Variants in ISM2 observed in about 807,000 individuals in gnomAD.
ISM2 encodes isthmin 2, also known as isthmin-2.
In ISM2, 50 loss-of-function variants were observed where a neutral mutation model predicts 58.0. The observed-to-expected ratio is 0.86, with a 90% CI of 0.69 to 1.09. The LOEUF is 1.09. ISM2 is among the 50% of genes least tolerant of loss of function. ISM2 has a pLI of 0.00. For missense variants in ISM2, 723 were observed against 745.0 expected (o/e 0.97, Z 0.34); for synonymous variants, 303 against 312.4 (o/e 0.97, Z 0.32).
intron 1 of ISM2, among the ~76,000 whole-genome samples, chr14:77,490,294 G>C (rs1311981103): frequency 6.6e-6 from 1 of 152,218 alleles, no homozygotes; most frequent in East Asian, 1.9e-4. Flanking sequence ...ACTGCACCCG[G>C]CCAAGAAGCC....
intron 4 of ISM2, among the ~76,000 whole-genome samples, chr14:77,479,550 A>C (rs10431726): frequency 0.41 from 62,897 of 151,842 alleles, 15,642 homozygotes; most frequent in East Asian, 0.92. Flanking sequence ...CACCCAGCTA[A>C]TTTTTGTATT....
chr14:77,498,404 C>T (rs2079261537), intron 1 of ISM2: 6 of 1,275,864 alleles, frequency 4.7e-6, no homozygotes, highest in South Asian at 4.1e-5. Flanking sequence ...GCACAGAAGT[C>T]AAACTTGTCA....
Position 77,482,671 on chromosome 14 carries a change from C to G in ISM2, c.628-4G>C. The G allele has an allele frequency of 1.3e-6, 2 of 1,526,378 alleles. No homozygotes were observed. Among genetic ancestry groups the G allele is most frequent in the South Asian group, 2.6e-5 (2 of 77,520 alleles). The allele number at this position is 1,526,378 out of a possible 1,614,324, so 94.6% of individuals were successfully genotyped here. ...CCTCCACCACCTTGATGGTCACCTG[C>G]AGGAGACAGGCCAGGCCGGCCAGTG... On this transcript the variant is annotated splice_polypyrimidine_tract_variant and splice_region_variant and intron_variant, in intron 3 of 6. Coordinates refer to ENST00000342219, the MANE Select transcript of ISM2 (RefSeq NM_199296.3).
chr14:77,497,179 C>T (rs1274961790), intron 1 of ISM2, among the ~76,000 whole-genome samples: 2 of 151,646 alleles, frequency 1.3e-5, no homozygotes, highest in African/African-American at 4.8e-5. Context: ...ACCGGCCTGG[C>T]CAAGATGGTG....
chr14:77,484,863 G>A lies in ISM2; in HGVS notation c.198C>T (p.Leu66=). The change falls in exon 2 of 7, where the codon CTC becomes CTT. Residue 66 remains leucine (L), a synonymous_variant. Coordinates refer to ENST00000342219, the MANE Select transcript of ISM2 (RefSeq NM_199296.3). ...PLKEEEEAPL[L]PRTHLQAEPH... Reference sequence around the variant, plus strand: ...GCTCTGCCTGCAGGTGGGTTCTGGGGAGCAGTGGTGCCTCCTCCTCTTCCT... The same window carrying A: ...GCTCTGCCTGCAGGTGGGTTCTGGGAAGCAGTGGTGCCTCCTCCTCTTCCT... The A allele has an allele frequency of 1.9e-6, 3 of 1,595,534 alleles. No homozygotes were observed. Among genetic ancestry groups the A allele is most frequent in the Non-Finnish European group, 2.6e-6 (3 of 1,170,810 alleles).
intron 1 of ISM2, among the ~76,000 whole-genome samples, chr14:77,491,691 CTTT>C (rs777579764): frequency 3.6e-4 from 38 of 105,272 alleles, no homozygotes; most frequent in Admixed American, 7.5e-4. Flanking sequence ...CGCGTCTGGT[CTTT>C]TTTTTTTTTT....
At chr14:77,485,689 C>T (rs1450827175) in intron 1 of ISM2, among the ~76,000 whole-genome samples, 3 of 152,258 alleles carry the variant, frequency 2.0e-5, no homozygotes, top group Non-Finnish European at 4.4e-5. Flanking sequence ...AGCCACTGCC[C>T]AGGTCTCTAT....
At chr14:77,489,022 T>C (rs1470291381) in intron 1 of ISM2, among the ~76,000 whole-genome samples, 2 of 152,112 alleles carry the variant, frequency 1.3e-5, no homozygotes, top group Non-Finnish European at 2.9e-5. Flanking sequence ...CTGAGGTATA[T>C]CTTTACCAGT....
chr14:77,486,070 CCTGT>C (rs1258330231), intron 1 of ISM2, among the ~76,000 whole-genome samples: 1 of 152,218 alleles, frequency 6.6e-6, no homozygotes, highest in African/African-American at 2.4e-5. Context: ...CATTGTCATG[CCTGT>C]CTTACAGTGG....
chr14:77,498,489 C>A (rs1365980589), intron 1 of ISM2, 164 bp downstream of exon 1: 6 of 1,219,198 alleles, frequency 4.9e-6, no homozygotes, highest in Admixed American at 2.2e-5. Context: ...CGCACCTGGG[C>A]AACGCCCGGT....
rs979508224 is a variant in ISM2, at chr14:77,485,066, T to C, written c.142-147A>G. 5.0e-5 allele frequency: 42 copies of C among 841,982 alleles called. No individual in the cohort carries two copies. The East Asian group carries it at 1.1e-3, about 21-fold the overall frequency. The allele number at this position is 841,982 out of a possible 1,614,324, so 52.2% of individuals were successfully genotyped here. A position where few individuals can be genotyped will look rare whatever the true frequency, so the allele number is the denominator to read the frequency against. Reference sequence around the variant, plus strand: ...GACTTACATCTCTCTGGAGTGTGTATCTGTAGTGTAAAATCTCCACACTGC... The same window carrying C: ...GACTTACATCTCTCTGGAGTGTGTACCTGTAGTGTAAAATCTCCACACTGC... On this transcript the variant is annotated intron_variant, in intron 1 of 6. Transcript: ENST00000342219.
rs775596584 is a variant in ISM2, at chr14:77,478,689, G to T, written c.1000C>A (p.Pro334Thr). ...CAGTTCCCACTGCAGGGAGACCAGG[G>T]ACTCCACTCCTTCTGAGGCTCATAG... ...YDYEPQKEWSPWSPCSGNCST... is the reference protein window; with the variant it reads ...YDYEPQKEWSTWSPCSGNCST... The change falls in exon 5 of 7, where the codon CCC becomes ACC. Residue 334 changes from proline to threonine, a missense_variant. Pro to Thr is a conservative substitution (Grantham distance 38, BLOSUM62 -1). Coordinates refer to ENST00000342219, the MANE Select transcript of ISM2 (RefSeq NM_199296.3). The T allele has an allele frequency of 1.2e-6, 2 of 1,613,398 alleles. No homozygotes were observed. Among genetic ancestry groups the T allele is most frequent in the Non-Finnish European group, 1.7e-6 (2 of 1,179,380 alleles).
intron 1 of ISM2, among the ~76,000 whole-genome samples, chr14:77,495,432 A>C (rs1211399492): frequency 6.6e-6 from 1 of 152,236 alleles, no homozygotes; most frequent in African/African-American, 2.4e-5. Flanking sequence ...ACATGCTAAA[A>C]ATAATTACAA....
rs1239724154 is a variant in ISM2, at chr14:77,492,909, C to T, written c.141+5744G>A. 7.2e-5 allele frequency among the ~76,000 whole-genome samples: 11 copies of T among 152,116 alleles called. No individual in the cohort carries two copies. In the East Asian group the frequency reaches 1.4e-3, roughly 19 times the overall value. On this transcript the variant is annotated intron_variant, in intron 1 of 6. Transcript: ENST00000342219. ...CTCAGGAAGGCTGAGGCAGGAGAATCGCTTGAGCCTGGGAGGCAGAGGTTG... is the reference window on the plus strand; with the variant it reads ...CTCAGGAAGGCTGAGGCAGGAGAATTGCTTGAGCCTGGGAGGCAGAGGTTG...
chr14:77,485,635 T>C (rs2079163105), intron 1 of ISM2, among the ~76,000 whole-genome samples: 1 of 152,228 alleles, frequency 6.6e-6, no homozygotes, highest in African/African-American at 2.4e-5. Flanking sequence ...GCCCAGACAG[T>C]GGGGCACTAG....
chr14:77,492,866 T>C (rs761602670), intron 1 of ISM2, among the ~76,000 whole-genome samples: 5 of 152,086 alleles, frequency 3.3e-5, no homozygotes, highest in Non-Finnish European at 5.9e-5. Flanking sequence ...TGGTGGAACA[T>C]GCCTGTAGTC....
intron 1 of ISM2, among the ~76,000 whole-genome samples, chr14:77,492,823 C>A (rs555432941): frequency 3.9e-4 from 59 of 152,192 alleles, no homozygotes; most frequent in African/African-American, 1.2e-3. Context: ...GCCTGACCAA[C>A]ATAGCTACTA....
At chr14:77,476,644 G>A (rs367791372) in intron 6 of ISM2, among the ~76,000 whole-genome samples, 2 of 152,092 alleles carry the variant, frequency 1.3e-5, no homozygotes, top group East Asian at 1.9e-4. Flanking sequence ...TCTCCACCTC[G>A]GGAAACGTGG....
chr14:77,484,080 C>T (rs966910950), intron 3 of ISM2: 7 of 444,062 alleles, frequency 1.6e-5, no homozygotes, highest in Non-Finnish European at 2.8e-5. Context: ...TGTCTCTTGC[C>T]ATGGTCTAGA....
Sources: allele counts gnomAD v4.1 joint callset (sites outside exome capture counted in the v4.1 genomes callset), GRCh38; gene constraint gnomAD v4.1.1; transcripts MANE v1.5; gene names NCBI Gene and HGNC (gene_info 2026-07-23, HGNC 2026-07-21).